The following PDZRN3 variants were observed in gnomAD, a reference collection of about 807,000 sequenced individuals.
PDZRN3 encodes the protein E3 ubiquitin-protein ligase PDZRN3.
Under a neutral mutation model 85.7 loss-of-function variants are expected in PDZRN3, and 38 were observed. The ratio of observed to expected loss-of-function variants is 0.44; its 90% CI spans 0.34 to 0.58. The LOEUF (loss-of-function observed/expected upper bound fraction) is 0.58. Ranked by LOEUF, PDZRN3 falls within the 20% of genes least tolerant of loss-of-function variation. The probability of loss-of-function intolerance (pLI) is 0.01; values close to 1 mark genes in which losing one functional copy is unlikely to be tolerated. For missense variants in PDZRN3, 1,629 were observed against 1,506.4 expected, an observed-to-expected ratio of 1.08 and a Z score of -1.35; for synonymous variants, 759 against 638.0, an observed-to-expected ratio of 1.19 and a Z score of -2.86.
chr3:73,502,792 A>C (rs1382888776), intron 3 of PDZRN3, among the ~76,000 whole-genome samples: 1 of 152,236 alleles, frequency 6.6e-6, no homozygotes, highest in East Asian at 1.9e-4. Flanking sequence ...ATCTTACAGA[A>C]AATCCTAGAG....
chr3:73,579,813 A>T (rs1559746765), intron 3 of PDZRN3, among the ~76,000 whole-genome samples: 1 of 152,092 alleles, frequency 6.6e-6, no homozygotes, highest in African/African-American at 2.4e-5. Flanking sequence ...CTATCCCATT[A>T]TGTATGGAGT....
chr3:73,549,999 C>T lies in PDZRN3; in HGVS notation c.918+52355G>A, dbSNP rs184687315. On this transcript the variant is annotated intron_variant, in intron 3 of 9. Coordinates refer to ENST00000263666, the MANE Select transcript of PDZRN3 (RefSeq NM_015009.3). The stretch of plus-strand genomic sequence containing the variant: ...GGCTGCCTGTTAGTGCAGATGCTGC[C>T]TTAGCAAACAGAGGGTATGGTCCAA... Among the ~76,000 whole-genome samples the T allele has an allele frequency of 2.2e-4, 33 of 152,294 alleles. No individual in the cohort carries two copies. The East Asian group carries it at 5.6e-3, about 26-fold the overall frequency.
intron 3 of PDZRN3, among the ~76,000 whole-genome samples, chr3:73,432,825 T>C (rs1257697736): frequency 6.6e-6 from 1 of 152,156 alleles, no homozygotes; most frequent in African/African-American, 2.4e-5. Context: ...TTTTTTTTTA[T>C]TACTGCCAAG....
chr3:73,600,406 C>A (rs547728729), intron 3 of PDZRN3, among the ~76,000 whole-genome samples: 2 of 151,050 alleles, frequency 1.3e-5, no homozygotes, highest in South Asian at 4.2e-4. Flanking sequence ...TAAACTCAGA[C>A]GCAGATGAGG....
At chr3:73,392,148 G>A (rs1370825236) in intron 5 of PDZRN3, among the ~76,000 whole-genome samples, 2 of 152,236 alleles carry the variant, frequency 1.3e-5, no homozygotes, top group African/African-American at 4.8e-5. Flanking sequence ...GCGGGTGCCA[G>A]GCGCCACGGA....
In PDZRN3 at chr3:73,383,312, T is replaced by TTTC; in HGVS notation, c.*50_*52dup. 6.6e-7 allele frequency: 1 copy of TTTC among 1,508,486 alleles called. No homozygotes were observed. Among genetic ancestry groups the TTTC allele is most frequent in the Non-Finnish European group, 8.9e-7 (1 of 1,120,648 alleles). 93.4% of individuals were successfully genotyped at this position (1,508,486 alleles called of 1,614,324 possible). A position where few individuals can be genotyped will look rare whatever the true frequency, so the allele number is the denominator to read the frequency against. Reference sequence around the variant, plus strand: ...CTTGCCGCATTGAACGAGGCAGGAATTTCTACCCCAGTGGTAGTGGTCTCC... The same window carrying TTTC: ...CTTGCCGCATTGAACGAGGCAGGAATTTCTTCTACCCCAGTGGTAGTGGTCTCC... On this transcript the variant is annotated 3_prime_UTR_variant, in exon 10 of 10. Coordinates refer to ENST00000263666, the MANE Select transcript of PDZRN3 (RefSeq NM_015009.3).
At chr3:73,510,236 A>G (rs1704138967) in intron 3 of PDZRN3, among the ~76,000 whole-genome samples, 1 of 152,252 alleles carries the variant, frequency 6.6e-6, no homozygotes, top group African/African-American at 2.4e-5. Context: ...TTCTTCAGCC[A>G]GAACTCAAGC....
intron 3 of PDZRN3, among the ~76,000 whole-genome samples, chr3:73,504,617 G>A (rs1704038763): frequency 6.6e-6 from 1 of 152,142 alleles, no homozygotes; most frequent in Non-Finnish European, 1.5e-5. Context: ...TTTGGTTGGT[G>A]ATTACAGATC....
chr3:73,533,444 TTA>T (rs1299782810), intron 3 of PDZRN3, among the ~76,000 whole-genome samples: 1 of 152,194 alleles, frequency 6.6e-6, no homozygotes, highest in Non-Finnish European at 1.5e-5. Context: ...CACCAGAATT[TTA>T]AATCACATAT....
At position 73,624,828 on chromosome 3, in the gene PDZRN3, T is replaced by G; in HGVS notation, c.-3A>C. On this transcript the variant is annotated 5_prime_UTR_variant, in exon 1 of 10. Coordinates refer to ENST00000263666, the MANE Select transcript of PDZRN3 (RefSeq NM_015009.3). ...AAGCGGTCCAGCTCGAAGCCCATGG[T>G]GGCGGCCAGGCCCCGGGGTCGCCGC... is the stretch of plus-strand genomic sequence containing the variant. 2.3e-6 allele frequency: 3 copies of G among 1,312,282 alleles called. No homozygotes were observed. Among genetic ancestry groups the G allele is most frequent in the Non-Finnish European group, 1.9e-6 (2 of 1,033,518 alleles). The allele number at this position is 1,312,282 out of a possible 1,614,324, so 81.3% of individuals were successfully genotyped here.
At position 73,383,668 on chromosome 3, in the gene PDZRN3, C is replaced by G; in HGVS notation, c.2898G>C (p.Glu966Asp). ...GMTTDDDAVS[E>D]MKMGRYWSKE... ...TGCTCCAGTAGCGCCCCATCTTCAT[C>G]TCGCTCACCGCGTCGTCGTCGGTGG... is the stretch of plus-strand genomic sequence containing the variant. Residue 966 changes from glutamate (E) to aspartate (D), a missense_variant, in exon 10 of 10, where the codon GAG becomes GAC. Glu to Asp is a conservative substitution (Grantham distance 45). Transcript: ENST00000263666. 6.2e-7 allele frequency: 1 copy of G among 1,612,772 alleles called. No individual in the cohort carries two copies.
chr3:73,624,764 C>T lies in PDZRN3; in HGVS notation c.62G>A (p.Cys21Tyr). 1 of 1,485,210 alleles carries T rather than the reference C, an allele frequency of 6.7e-7. No individual in the cohort carries two copies. Among genetic ancestry groups the T allele is most frequent in the Non-Finnish European group, 8.9e-7 (1 of 1,124,854 alleles). The allele number at this position is 1,485,210 out of a possible 1,614,324, so 92.0% of individuals were successfully genotyped here. ...DVDPDLKCAL[C>Y]HKVLEDPLTT... ...CAGCGGGTCCTCCAGGACCTTGTGG[C>T]ACAGCGCGCACTTCAGGTCCGGGTC... The change falls in exon 1 of 10, where the codon TGC becomes TAC. Residue 21 changes from cysteine (C) to tyrosine (Y), a missense_variant. Cys to Tyr is a radical substitution (Grantham distance 194). Transcript: ENST00000263666.
chr3:73,499,862 T>TAC lies in PDZRN3; in HGVS notation c.919-95469_919-95468dup, dbSNP rs1342724692. Among the ~76,000 whole-genome samples, 7 of 152,288 alleles carry TAC rather than the reference T, an allele frequency of 4.6e-5. No homozygotes were observed. In the South Asian group the frequency reaches 1.5e-3, roughly 32 times the overall value. ...AGTAAATGATGATAATGAAAGTACC[T>TAC]ACCTCTACATTATTGTGATGATGAA... On this transcript the variant is annotated intron_variant, in intron 3 of 9. Coordinates refer to ENST00000263666, the MANE Select transcript of PDZRN3 (RefSeq NM_015009.3).
chr3:73,600,977 G>C (rs1186330193), intron 3 of PDZRN3, among the ~76,000 whole-genome samples: 2 of 152,134 alleles, frequency 1.3e-5, no homozygotes, highest in Non-Finnish European at 2.9e-5. Context: ...AACATTCAAA[G>C]GGGATGCAAC....
chr3:73,617,709 AT>A (rs68016618), intron 1 of PDZRN3, among the ~76,000 whole-genome samples: 2,857 of 147,926 alleles, frequency 0.019, 66 homozygotes, highest in African/African-American at 0.063. Context: ...GTCTAAATCT[AT>A]TTTTTTTTTT....
rs1702926582 is a variant in PDZRN3 at position 73,624,301 on chromosome 3, G to A, written c.525C>T (p.Ala175=). The A allele has an allele frequency of 4.5e-6, 6 of 1,334,228 alleles. No individual in the cohort carries two copies. Among genetic ancestry groups the A allele is most frequent in the Non-Finnish European group, 4.8e-6 (5 of 1,050,208 alleles). 82.6% of individuals were successfully genotyped at this position (1,334,228 alleles called of 1,614,324 possible). A position where few individuals can be genotyped will look rare whatever the true frequency, so the allele number is the denominator to read the frequency against. ...ALRAHNGALQ[A]RLGALHKALK... ...GCGCCTTGTGCAGCGCGCCCAGGCG[G>A]GCCTGGAGCGCGCCGTTGTGCGCCC... Residue 175 remains alanine, a synonymous_variant, in exon 1 of 10, where the codon GCC becomes GCT. Coordinates refer to ENST00000263666, the MANE Select transcript of PDZRN3 (RefSeq NM_015009.3).
chr3:73,541,641 T>C (rs572243871), intron 3 of PDZRN3, among the ~76,000 whole-genome samples: 33 of 152,348 alleles, frequency 2.2e-4, no homozygotes, highest in South Asian at 8.3e-4. Flanking sequence ...ATATGTGATA[T>C]ATACATGTTG....
intron 3 of PDZRN3, among the ~76,000 whole-genome samples, chr3:73,588,487 T>C (rs6801287): frequency 0.57 from 87,101 of 151,984 alleles, 25,760 homozygotes; most frequent in East Asian, 0.69. Flanking sequence ...GCTCCTGAAC[T>C]ACTGCCCAGA....
chr3:73,569,461 C>T, intron 3 of PDZRN3: 1 of 1,123,534 alleles, frequency 8.9e-7, no homozygotes, highest in Non-Finnish European at 1.1e-6. Flanking sequence ...GAGGCGTCTA[C>T]ACTGACAATT....
Sources: allele counts gnomAD v4.1 joint callset (sites outside exome capture counted in the v4.1 genomes callset), GRCh38; gene constraint gnomAD v4.1.1; transcripts MANE v1.5; gene names NCBI Gene and HGNC (gene_info 2026-07-23, HGNC 2026-07-21).